Variants in CDK19 observed in about 807,000 individuals in gnomAD.
The protein encoded by CDK19 is cyclin dependent kinase 19.
Under a neutral mutation model 68.3 loss-of-function variants are expected in CDK19, and 20 were observed. That is an observed-to-expected ratio of 0.29 (90% confidence interval 0.21 to 0.43). The LOEUF is 0.43. Ranked by LOEUF, CDK19 falls within the 20% of genes least tolerant of loss-of-function variation. The probability of loss-of-function intolerance (pLI) is 1.00; values close to 1 mark genes in which losing one functional copy is unlikely to be tolerated. For missense variants in CDK19, 339 were observed against 623.5 expected, an observed-to-expected ratio of 0.54 and a Z score of 4.86; for synonymous variants, 221 against 222.8, an observed-to-expected ratio of 0.99 and a Z score of 0.07.
At chr6:110,800,462 G>C (rs1302998968) in intron 1 of CDK19, among the ~76,000 whole-genome samples, 2 of 152,060 alleles carry the variant, frequency 1.3e-5, no homozygotes, top group South Asian at 4.1e-4. Context: ...TACGAAACCA[G>C]TATCATCCTG....
chr6:110,621,471 G>T lies in CDK19; in HGVS notation c.1111-101C>A. ...TGTGGCTGCTGACCAACCTGGGGGA[G>T]CAATCTATGTGGGACACTAGAGTGA... On this transcript the variant is annotated intron_variant, in intron 11 of 12. Transcript: ENST00000368911. This position sits in a 1 kb window ranked among gnomAD's most constrained non-coding sequence, Gnocchi z 5.4. The T allele has an allele frequency of 8.5e-7, 1 of 1,175,298 alleles. No homozygotes were observed. Among genetic ancestry groups the T allele is most frequent in the Non-Finnish European group, 1.2e-6 (1 of 831,086 alleles). The allele number at this position is 1,175,298 out of a possible 1,614,324, so 72.8% of individuals were successfully genotyped here. A position where few individuals can be genotyped will look rare whatever the true frequency, so the allele number is the denominator to read the frequency against.
At chr6:110,679,107 G>A (rs143247120) in intron 2 of CDK19, among the ~76,000 whole-genome samples, 166 of 152,228 alleles carry the variant, frequency 1.1e-3, no homozygotes, top group African/African-American at 3.9e-3. Flanking sequence ...CCAGGAGTTT[G>A]AGACTAGTCT....
intron 1 of CDK19, chr6:110,813,376 G>A (rs1443191166): frequency 1.3e-5 from 2 of 152,124 alleles, no homozygotes; most frequent in Admixed American, 1.3e-4. Flanking sequence ...AAGTTAGCAT[G>A]AGGAGTATGG....
chr6:110,772,249 C>T (rs895140269), intron 1 of CDK19, among the ~76,000 whole-genome samples: 2 of 151,968 alleles, frequency 1.3e-5, no homozygotes, highest in Non-Finnish European at 2.9e-5. Flanking sequence ...CAGCGGGAGG[C>T]AAAAGGCACT....
In CDK19 at chr6:110,731,114, G is replaced by GGAAAA. The variant is rs138133599; in HGVS notation, c.204+15007_204+15011dup. 2.5e-3 allele frequency among the ~76,000 whole-genome samples: 371 copies of GGAAAA among 146,334 alleles called. 1 individual carries two copies. Among genetic ancestry groups the GGAAAA allele is most frequent in the Admixed American group, 7.2e-3 (104 of 14,398 alleles). On this transcript the variant is annotated intron_variant, in intron 2 of 12. Transcript: ENST00000368911. Reference sequence around the variant, plus strand: ...GAAGGAAGAAAGAAAAGAAAAGAAAGGAAAAGAAAAGAAAAGAAAAGAAAA... The same window carrying GGAAAA: ...GAAGGAAGAAAGAAAAGAAAAGAAAGGAAAAGAAAAGAAAAGAAAAGAAAAGAAAA...
At chr6:110,744,015 T>TG (rs1201811503) in intron 2 of CDK19, among the ~76,000 whole-genome samples, 16 of 147,062 alleles carry the variant, frequency 1.1e-4, no homozygotes, top group African/African-American at 3.8e-4. Context: ...CCCCACGTTT[T>TG]TTTTTTTTTT....
intron 4 of CDK19, among the ~76,000 whole-genome samples, chr6:110,660,656 A>G (rs948889357): frequency 3.9e-5 from 6 of 152,186 alleles, no homozygotes; most frequent in African/African-American, 1.4e-4. Context: ...AAGTCCAGCC[A>G]TCTCCAACTA....
At chr6:110,620,891 C>T (rs1423490812) in intron 12 of CDK19, among the ~76,000 whole-genome samples, 2 of 152,168 alleles carry the variant, frequency 1.3e-5, no homozygotes, top group Non-Finnish European at 2.9e-5. Context: ...TCCCTACCTT[C>T]CTCTCCTCGG....
chr6:110,656,759 T>C (rs1259850680), intron 4 of CDK19, among the ~76,000 whole-genome samples: 1 of 152,192 alleles, frequency 6.6e-6, no homozygotes, highest in African/African-American at 2.4e-5. Flanking sequence ...TTCTTTTCTC[T>C]AACAAGAACC....
intron 8 of CDK19, 134 bp downstream of exon 8, chr6:110,626,642 G>C: frequency 1.8e-6 from 1 of 558,630 alleles, no homozygotes; most frequent in Non-Finnish European, 3.1e-6. Flanking sequence ...TTACAAACAT[G>C]CCAGTGCCTT....
At chr6:110,784,085 G>A (rs1275861404) in intron 1 of CDK19, among the ~76,000 whole-genome samples, 1 of 148,934 alleles carries the variant, frequency 6.7e-6, no homozygotes, top group African/African-American at 2.5e-5. Context: ...CTTGAGCTGG[G>A]GAGGCAGAGG....
chr6:110,610,421 T>TA lies in CDK19; in HGVS notation c.*4113dup, dbSNP rs200321443. The TA allele has an allele frequency of 1.1e-4, 17 of 152,414 alleles. No homozygotes were observed. In the East Asian group the frequency reaches 2.3e-3, roughly 21 times the overall value. 9.4% of individuals were successfully genotyped at this position (152,414 alleles called of 1,614,324 possible). The stretch of plus-strand genomic sequence containing the variant: ...TTTAGTGTCTACACAGACAAATCTT[T>TA]AAAAAAATTAAATAGTATTAATTTA... On this transcript the variant is annotated 3_prime_UTR_variant, in exon 13 of 13. Coordinates refer to ENST00000368911, the MANE Select transcript of CDK19 (RefSeq NM_015076.5).
At chr6:110,657,225 T>C (rs975158918) in intron 4 of CDK19, among the ~76,000 whole-genome samples, 7 of 152,060 alleles carry the variant, frequency 4.6e-5, no homozygotes, top group Non-Finnish European at 1.0e-4. Context: ...CAAGCCAGAG[T>C]TGTGACAGCC....
At chr6:110,760,396 C>CAAAAAA (rs34613571) in intron 1 of CDK19, among the ~76,000 whole-genome samples, 4 of 39,778 alleles carry the variant, frequency 1.0e-4, no homozygotes, top group Admixed American at 7.1e-4. Context: ...GGCTTTGTCT[C>CAAAAAA]AAAAAAAAAA....
At chr6:110,626,713 AC>A in intron 8 of CDK19, 62 bp downstream of exon 8, 1 of 966,986 alleles carries the variant, frequency 1.0e-6, no homozygotes, top group Non-Finnish European at 1.6e-6. Flanking sequence ...TTTATAAATT[AC>A]CCAGTCTAAG....
chr6:110,814,227 G>A (rs865934940), intron 1 of CDK19: 18 of 261,056 alleles, frequency 6.9e-5, no homozygotes, highest in African/African-American at 3.8e-4. Flanking sequence ...GGCAGAGGAT[G>A]GAGTGGAGGA....
At chr6:110,796,956 G>C (rs9400419) in intron 1 of CDK19, among the ~76,000 whole-genome samples, 1 of 148,914 alleles carries the variant, frequency 6.7e-6, no homozygotes, top group African/African-American at 2.5e-5. Flanking sequence ...GTTGCAGTGA[G>C]CCAAGATTGT....
At chr6:110,802,441 C>A (rs1209139592) in intron 1 of CDK19, among the ~76,000 whole-genome samples, 1 of 152,134 alleles carries the variant, frequency 6.6e-6, no homozygotes, top group Non-Finnish European at 1.5e-5. Flanking sequence ...AAATTAAATA[C>A]CGCATGTCCT....
intron 4 of CDK19, among the ~76,000 whole-genome samples, chr6:110,659,709 G>A (rs1160874557): frequency 5.9e-5 from 9 of 152,094 alleles, no homozygotes; most frequent in Non-Finnish European, 1.2e-4. Flanking sequence ...TCTGTGGTTC[G>A]ACAGCAGGGA....
Sources: gnomAD v4.1 joint callset for allele counts (sites outside exome capture counted in the v4.1 genomes callset) on GRCh38, gnomAD v4.1.1 for gene constraint, Gnocchi (gnomAD v3.1) non-coding constraint, MANE v1.5 for transcripts, NCBI Gene and HGNC (gene_info 2026-07-23, HGNC 2026-07-21) for gene names.